The following RAB5IF variants were observed in gnomAD, a reference collection of about 807,000 sequenced individuals.
The protein encoded by RAB5IF is RAB5 interacting factor, also known as GEL complex subunit OPTI.
RAB5IF carries 15 observed loss-of-function variants against 20.3 expected under a neutral mutation model. The observed-to-expected ratio is 0.74, with a 90% CI of 0.50 to 1.14. The LOEUF (loss-of-function observed/expected upper bound fraction) is 1.14. Among genes scored for constraint, RAB5IF ranks in the 50% most tolerant of loss-of-function variants. The pLI, the probability that RAB5IF is intolerant of heterozygous loss-of-function variation, is 0.00. For missense variants in RAB5IF, 148 were observed against 159.5 expected (o/e 0.93, Z 0.39); for synonymous variants, 67 against 63.7 (o/e 1.05, Z -0.25).
chr20:36,608,010 GTT>G, intron 2 of RAB5IF, 192 bp downstream of exon 2: 1 of 1,456,960 alleles, frequency 6.9e-7, no homozygotes. Context: ...GGTCAGGCAG[GTT>G]ACCTTCCTGC....
intron 1 of RAB5IF, among the ~76,000 whole-genome samples, chr20:36,606,816 T>C (rs1312054306): frequency 6.6e-6 from 1 of 152,188 alleles, no homozygotes; most frequent in Non-Finnish European, 1.5e-5. Context: ...AACAGCTTGA[T>C]TCCAGGTAGC....
rs1275309061 is a variant in RAB5IF at position 36,609,191 on chromosome 20, ACACGCACACACG to A, written c.219-406_219-395del. 7.6e-5 allele frequency among the ~76,000 whole-genome samples: 4 copies of A among 52,688 alleles called. 1 individual carries two copies. Among genetic ancestry groups the A allele is most frequent in the South Asian group, 7.0e-4 (1 of 1,438 alleles). 34.6% of individuals were successfully genotyped at this position (52,688 alleles called of 152,430 possible). On this transcript the variant is annotated intron_variant, in intron 2 of 3. Coordinates refer to ENST00000344795, the MANE Select transcript of RAB5IF (RefSeq NM_018840.5). ...CACACACACACACACACACACACAC[ACACGCACACACG>A]CACACACGCACACACGCACACACAC...
chr20:36,606,095 G>A, intron 1 of RAB5IF, 30 bp downstream of exon 1: 1 of 1,296,634 alleles, frequency 7.7e-7, no homozygotes. Context: ...GGGCGCGGGT[G>A]CGAGGAGTCG....
chr20:36,608,173 G>C (rs973979857), intron 2 of RAB5IF: 2 of 346,066 alleles, frequency 5.8e-6, no homozygotes, highest in South Asian at 2.3e-5. Context: ...TGTATTTGAC[G>C]ACCATTTCCC....
Position 36,609,919 on chromosome 20 carries a change from C to A in RAB5IF, c.348+189C>A, listed in dbSNP as rs1600806451. 8.0e-6 allele frequency: 7 copies of A among 873,832 alleles called. No homozygotes were observed. In the East Asian group the frequency reaches 1.9e-4, roughly 23 times the overall value. The allele number at this position is 873,832 out of a possible 1,614,324, so 54.1% of individuals were successfully genotyped here. On this transcript the variant is annotated intron_variant, in intron 3 of 3. Transcript: ENST00000344795. Reference sequence around the variant, plus strand: ...GATGTGGTCTGATATACTGTACAGTCCCCTGTAATGTGTAAATCCAGGGCC... The same window carrying A: ...GATGTGGTCTGATATACTGTACAGTACCCTGTAATGTGTAAATCCAGGGCC...
chr20:36,609,241 A>T (rs1020112613), intron 2 of RAB5IF, among the ~76,000 whole-genome samples: 1 of 131,656 alleles, frequency 7.6e-6, no homozygotes, highest in Admixed American at 7.5e-5. Context: ...ACACACACAC[A>T]CACACACACA....
intron 2 of RAB5IF, 122 bp from the exon 3 acceptor site, chr20:36,609,468 GACCGCAAGTGA>G: frequency 7.6e-7 from 1 of 1,313,702 alleles, no homozygotes. Context: ...TTGAACTCCT[GACCGCAAGTGA>G]TCCGCCCACC....
chr20:36,607,605 G>T, intron 1 of RAB5IF, 110 bp from the exon 2 acceptor site: 1 of 1,321,646 alleles, frequency 7.6e-7, no homozygotes, highest in Non-Finnish European at 1.1e-6. Context: ...TGCCTTTGGG[G>T]GGAAACAAAT....
chr20:36,608,087 G>C lies in RAB5IF; in HGVS notation c.218+269G>C, dbSNP rs182007884. 5.2e-4 allele frequency: 362 copies of C among 696,486 alleles called. 1 individual carries two copies. The African/African-American group carries it at 6.0e-3, about 11-fold the overall frequency. The allele number at this position is 696,486 out of a possible 1,614,324, so 43.1% of individuals were successfully genotyped here. A position where few individuals can be genotyped will look rare whatever the true frequency, so the allele number is the denominator to read the frequency against. The stretch of plus-strand genomic sequence containing the variant: ...AAAGTGACCTCATGCAAGAGGCTAT[G>C]ACTACTTGTTCGTGGCATGCACTCT... On this transcript the variant is annotated intron_variant, in intron 2 of 3. Transcript: ENST00000344795.
In RAB5IF at chr20:36,605,842, G is replaced by A. The variant is rs1369929544; in HGVS notation, c.-110G>A. On this transcript the variant is annotated 5_prime_UTR_variant, in exon 1 of 4. Transcript: ENST00000344795. ...AGGAACCGCAGCGCGCCGCAGGACC[G>A]GGCCGCTGAGCCTGCAGCCGCCCCG... is the stretch of plus-strand genomic sequence containing the variant. The A allele has an allele frequency of 9.5e-6, 5 of 528,846 alleles. No homozygotes were observed. The highest frequency in any genetic ancestry group is 5.4e-4 in the Middle Eastern group (1 of 1,842). 32.8% of individuals were successfully genotyped at this position (528,846 alleles called of 1,614,324 possible).
chr20:36,608,046 A>C, intron 2 of RAB5IF: 4 of 1,226,780 alleles, frequency 3.3e-6, no homozygotes, highest in South Asian at 1.3e-5. Context: ...GGGCCAGTCC[A>C]TTCATTCATG....
At chr20:36,609,194 C>CA (rs1568595462) in intron 2 of RAB5IF, among the ~76,000 whole-genome samples, 2 of 43,316 alleles carry the variant, frequency 4.6e-5, no homozygotes, top group Non-Finnish European at 8.7e-5. Context: ...CACACACACA[C>CA]GCACACACGC....
In RAB5IF at chr20:36,609,894, G is replaced by T. The variant is rs907515458; in HGVS notation, c.348+164G>T. The stretch of plus-strand genomic sequence containing the variant: ...GCCTGTGTTGAGCCACATCCCAGAA[G>T]ATGTGGTCTGATATACTGTACAGTC... On this transcript the variant is annotated intron_variant, in intron 3 of 3. Transcript: ENST00000344795. 7.6e-6 allele frequency: 9 copies of T among 1,184,186 alleles called. No homozygotes were observed. In the African/African-American group the frequency reaches 1.1e-4, roughly 14 times the overall value. The allele number at this position is 1,184,186 out of a possible 1,614,324, so 73.4% of individuals were successfully genotyped here. A position where few individuals can be genotyped will look rare whatever the true frequency, so the allele number is the denominator to read the frequency against.
intron 3 of RAB5IF, 91 bp from the exon 4 acceptor site, chr20:36,611,919 C>T (rs1347780283): frequency 3.2e-6 from 5 of 1,547,428 alleles, no homozygotes; most frequent in Non-Finnish European, 3.6e-6. Flanking sequence ...GAGAGTGCCC[C>T]GTGTTTACAT....
At chr20:36,609,875 G>C in intron 3 of RAB5IF, 145 bp downstream of exon 3, 1 of 1,413,024 alleles carries the variant, frequency 7.1e-7, no homozygotes, top group South Asian at 1.2e-5. Context: ...CATGGCCTGT[G>C]TTGAGCCACA....
Position 36,612,506 on chromosome 20 carries a change from C to T in RAB5IF, c.*455C>T. The T allele has an allele frequency of 2.2e-6, 1 of 453,492 alleles. No homozygotes were observed. The highest frequency in any genetic ancestry group is 4.0e-6 in the Non-Finnish European group (1 of 247,256). The allele number at this position is 453,492 out of a possible 1,614,324, so 28.1% of individuals were successfully genotyped here. A position where few individuals can be genotyped will look rare whatever the true frequency, so the allele number is the denominator to read the frequency against. On this transcript the variant is annotated 3_prime_UTR_variant, in exon 4 of 4. Transcript: ENST00000344795. ...TACATGCAGCATCTAATAAGAGTTT[C>T]CATTGTAGAATGTTTTCACATACTT...
At chr20:36,610,198 C>T (rs1426648183) in intron 3 of RAB5IF, among the ~76,000 whole-genome samples, 6 of 151,246 alleles carry the variant, frequency 4.0e-5, no homozygotes, top group Admixed American at 6.6e-5. Flanking sequence ...GCATGAGAAT[C>T]GCTTGAACCC....
In RAB5IF at chr20:36,607,753, C is replaced by T. The variant is rs756773415; in HGVS notation, c.153C>T (p.Ile51=). 1 of 1,614,096 alleles carries T rather than the reference C, an allele frequency of 6.2e-7. No homozygotes were observed. The highest frequency in any genetic ancestry group is 1.3e-5 in the African/African-American group (1 of 75,042). ...FLDVIYWFRQ[I]IAVVLGVIWG... Reference sequence around the variant, plus strand: ...ATGTGATCTACTGGTTCCGACAGATCATTGCTGTGGTCCTGGGTGTCATTT... The same window carrying T: ...ATGTGATCTACTGGTTCCGACAGATTATTGCTGTGGTCCTGGGTGTCATTT... Residue 51 remains isoleucine, a synonymous_variant, in exon 2 of 4, where the codon ATC becomes ATT. Transcript: ENST00000344795.
intron 2 of RAB5IF, chr20:36,608,103 C>A: frequency 1.8e-6 from 1 of 545,818 alleles, no homozygotes. Context: ...TTGTTCGTGG[C>A]ATGCACTCTA....
Sources: gnomAD v4.1 joint callset for allele counts (sites outside exome capture counted in the v4.1 genomes callset) on GRCh38, gnomAD v4.1.1 for gene constraint, MANE v1.5 for transcripts, NCBI Gene and HGNC (gene_info 2026-07-23, HGNC 2026-07-21) for gene names.